TIGAR: variants seen among roughly 807,000 people sequenced by gnomAD.
TIGAR encodes the protein fructose-2,6-bisphosphatase TIGAR.
TIGAR carries 7 observed loss-of-function variants against 17.9 expected under a neutral mutation model. The ratio of observed to expected loss-of-function variants is 0.39; its 90% CI spans 0.22 to 0.73. The LOEUF is 0.73. Ranked by LOEUF, TIGAR falls within the 30% of genes least tolerant of loss-of-function variation. The probability of loss-of-function intolerance (pLI) is 0.42; values close to 1 mark genes in which losing one functional copy is unlikely to be tolerated. For synonymous variants in TIGAR, 94 were observed against 108.6 expected, an observed-to-expected ratio of 0.87 and a Z score of 0.84; for missense variants, 258 against 327.4, an observed-to-expected ratio of 0.79 and a Z score of 1.64.
chr12:4,348,222 G>C (rs1015203560), intron 3 of TIGAR, among the ~76,000 whole-genome samples: 1 of 152,162 alleles, frequency 6.6e-6, no homozygotes, highest in Admixed American at 6.5e-5. Flanking sequence ...ATGTCTTTCA[G>C]AAAGAGATAG....
intron 1 of TIGAR, among the ~76,000 whole-genome samples, chr12:4,328,142 T>C (rs1243703369): frequency 6.6e-6 from 1 of 152,222 alleles, no homozygotes; most frequent in Non-Finnish European, 1.5e-5. Flanking sequence ...TAGAGGCTAA[T>C]ATCCTCTTTC....
intron 1 of TIGAR, among the ~76,000 whole-genome samples, chr12:4,328,056 G>A (rs894514375): frequency 3.0e-4 from 45 of 152,152 alleles, no homozygotes; most frequent in Non-Finnish European, 2.6e-4. Context: ...CCAATACATG[G>A]TAACTATTTT....
chr12:4,325,392 C>T (rs1440447872), intron 1 of TIGAR, among the ~76,000 whole-genome samples: 1 of 152,036 alleles, frequency 6.6e-6, no homozygotes, highest in Non-Finnish European at 1.5e-5. Context: ...TTTTATAAAG[C>T]TAATACTTTT....
rs1463414356 is a variant in TIGAR at position 4,353,592 on chromosome 12, T to G, written c.*901T>G. The stretch of plus-strand genomic sequence containing the variant: ...TGGCTCACACCTGTAATCCCAGCAC[T>G]TTGGGAGGCTGAGGCGGGCGGATCA... On this transcript the variant is annotated 3_prime_UTR_variant, in exon 6 of 6. Coordinates refer to ENST00000179259, the MANE Select transcript of TIGAR (RefSeq NM_020375.3). The G allele has an allele frequency of 6.6e-6, 1 of 152,418 alleles. No homozygotes were observed. The highest frequency in any genetic ancestry group is 2.4e-5 in the African/African-American group (1 of 41,400). 9.4% of individuals were successfully genotyped at this position (152,418 alleles called of 1,614,324 possible). A position where few individuals can be genotyped will look rare whatever the true frequency, so the allele number is the denominator to read the frequency against.
At chr12:4,343,826 A>G (rs554925270) in intron 3 of TIGAR, among the ~76,000 whole-genome samples, 2 of 152,358 alleles carry the variant, frequency 1.3e-5, no homozygotes, top group Non-Finnish European at 2.9e-5. Context: ...AGAACTAGAG[A>G]AGCAAGAGCA....
At chr12:4,329,328 CTTTTTT>C (rs34584528) in intron 1 of TIGAR, among the ~76,000 whole-genome samples, 57 of 73,260 alleles carry the variant, frequency 7.8e-4, no homozygotes, top group African/African-American at 2.5e-3. Flanking sequence ...AGCTAATGAT[CTTTTTT>C]TTTTTTTTTT....
Position 4,321,348 on chromosome 12 carries a change from A to C in TIGAR, c.32+45A>C. On this transcript the variant is annotated intron_variant, in intron 1 of 5. Transcript: ENST00000179259. The surrounding 1 kb of genome is among the most constrained non-coding windows in gnomAD (Gnocchi z 5.2). Reference sequence around the variant, plus strand: ...GATGTCTTTCTCTCTCTCTTCCTTGAGTGTGTTGGAGCGGGTGAAGGGAAA... The same window carrying C: ...GATGTCTTTCTCTCTCTCTTCCTTGCGTGTGTTGGAGCGGGTGAAGGGAAA... 1.3e-6 allele frequency: 2 copies of C among 1,598,518 alleles called. No homozygotes were observed. The highest frequency in any genetic ancestry group is 1.7e-6 in the Non-Finnish European group (2 of 1,178,920).
intron 1 of TIGAR, 72 bp from the exon 2 acceptor site, chr12:4,331,208 T>G (rs956450010): frequency 3.8e-6 from 5 of 1,323,742 alleles, no homozygotes. Context: ...CACACTTGAT[T>G]GCTCATTTTT....
chr12:4,342,610 C>A (rs952022880), intron 3 of TIGAR, among the ~76,000 whole-genome samples: 1 of 152,146 alleles, frequency 6.6e-6, no homozygotes, highest in Non-Finnish European at 1.5e-5. Flanking sequence ...GAATTTTCAA[C>A]CCAGAATTTC....
At chr12:4,346,162 T>G (rs1400516452) in intron 3 of TIGAR, among the ~76,000 whole-genome samples, 1 of 152,248 alleles carries the variant, frequency 6.6e-6, no homozygotes, top group Admixed American at 6.5e-5. Flanking sequence ...TTGGTGGGAC[T>G]GTAAACAAGT....
intron 3 of TIGAR, among the ~76,000 whole-genome samples, chr12:4,348,299 C>A (rs1374508870): frequency 6.6e-6 from 1 of 152,078 alleles, no homozygotes; most frequent in Non-Finnish European, 1.5e-5. Context: ...ACAGAATTTA[C>A]AGAATTGTTG....
chr12:4,328,901 C>T (rs1201770716), intron 1 of TIGAR, among the ~76,000 whole-genome samples: 1 of 152,080 alleles, frequency 6.6e-6, no homozygotes, highest in African/African-American at 2.4e-5. Context: ...ATTTCTTTAT[C>T]ATACGTTTAT....
chr12:4,332,255 T>TTTA (rs1384603387), intron 2 of TIGAR, among the ~76,000 whole-genome samples: 17 of 146,994 alleles, frequency 1.2e-4, no homozygotes, highest in African/African-American at 4.3e-4. Context: ...TTTTTTTTTT[T>TTTA]TTTTTGAGTC....
chr12:4,321,375 C>A lies in TIGAR; in HGVS notation c.32+72C>A. ...TGTGTTGGAGCGGGTGAAGGGAAAA[C>A]GGGTCCACCACCCTCTCCCCTCCCT... is the stretch of plus-strand genomic sequence containing the variant. On this transcript the variant is annotated intron_variant, in intron 1 of 5. Transcript: ENST00000179259. The surrounding 1 kb of genome is among the most constrained non-coding windows in gnomAD (Gnocchi z 5.2). 6.3e-7 allele frequency: 1 copy of A among 1,586,462 alleles called. No homozygotes were observed. The highest frequency in any genetic ancestry group is 1.7e-5 in the Admixed American group (1 of 59,644).
At position 4,342,698 on chromosome 12, in the gene TIGAR, G is replaced by T. The variant is rs545030401; in HGVS notation, c.192+5538G>T. Among the ~76,000 whole-genome samples the T allele has an allele frequency of 2.1e-3, 326 of 152,208 alleles. 3 individuals carry two copies. The highest frequency in any genetic ancestry group is 7.0e-3 in the African/African-American group (291 of 41,550). Reference sequence around the variant, plus strand: ...GACAAGCAAATGCTGAGAGATTTCGGCACCACCAGGCCTGCCCTAAAAGAG... The same window carrying T: ...GACAAGCAAATGCTGAGAGATTTCGTCACCACCAGGCCTGCCCTAAAAGAG... On this transcript the variant is annotated intron_variant, in intron 3 of 5. Coordinates refer to ENST00000179259, the MANE Select transcript of TIGAR (RefSeq NM_020375.3).
At chr12:4,325,112 T>C (rs1268126557) in intron 1 of TIGAR, among the ~76,000 whole-genome samples, 5 of 151,954 alleles carry the variant, frequency 3.3e-5, no homozygotes, top group African/African-American at 1.2e-4. Flanking sequence ...CTGGCTACTT[T>C]TGTACTTTTA....
chr12:4,342,468 G>A (rs1489943894), intron 3 of TIGAR, among the ~76,000 whole-genome samples: 1 of 152,186 alleles, frequency 6.6e-6, no homozygotes, highest in Non-Finnish European at 1.5e-5. Context: ...AGGAAAAAAT[G>A]TTAAGGGCAG....
intron 1 of TIGAR, among the ~76,000 whole-genome samples, chr12:4,323,868 C>T (rs1864507580): frequency 6.6e-6 from 1 of 152,138 alleles, no homozygotes; most frequent in Admixed American, 6.6e-5. Flanking sequence ...GTTCTCAAAA[C>T]CAAAACCTGG....
At position 4,357,849 on chromosome 12, in the gene TIGAR, A is replaced by G. The variant is rs1302630280; in HGVS notation, c.*5158A>G. On this transcript the variant is annotated 3_prime_UTR_variant, in exon 6 of 6. Coordinates refer to ENST00000179259, the MANE Select transcript of TIGAR (RefSeq NM_020375.3). ...CTGGGCGTGGTGGCTCGCACCTGTAATCCCAGCACTTTGGGAGGCCAAGGC... is the reference window on the plus strand; with the variant it reads ...CTGGGCGTGGTGGCTCGCACCTGTAGTCCCAGCACTTTGGGAGGCCAAGGC... Among the ~76,000 whole-genome samples the G allele has an allele frequency of 1.3e-5, 2 of 152,160 alleles. No homozygotes were observed. The highest frequency in any genetic ancestry group is 1.3e-4 in the Admixed American group (2 of 15,270).
Sources: allele counts gnomAD v4.1 joint callset (sites outside exome capture counted in the v4.1 genomes callset), GRCh38; gene constraint gnomAD v4.1.1; non-coding constraint Gnocchi (gnomAD v3.1); transcripts MANE v1.5; gene names NCBI Gene and HGNC (gene_info 2026-07-23, HGNC 2026-07-21).